The following VCAN variants were observed in gnomAD, a reference collection of about 807,000 sequenced individuals.
VCAN encodes versican.
VCAN carries 44 observed loss-of-function variants against 245.5 expected under a neutral mutation model. The observed-to-expected ratio is 0.18, with a 90% CI of 0.14 to 0.23. The LOEUF (loss-of-function observed/expected upper bound fraction) is 0.23, where lower values mean the gene tolerates loss of function less well. Ranked by LOEUF, VCAN falls within the 10% of genes least tolerant of loss-of-function variation. The probability of loss-of-function intolerance (pLI) is 1.00; values close to 1 mark genes in which losing one functional copy is unlikely to be tolerated. For synonymous variants in VCAN, 1,413 were observed against 1,437.0 expected (o/e 0.98, Z 0.38); for missense variants, 3,793 against 4,057.9 (o/e 0.93, Z 1.77).
chr5:83,489,890 A>G (rs912239070), intron 2 of VCAN, among the ~76,000 whole-genome samples: 1 of 151,894 alleles, frequency 6.6e-6, no homozygotes, highest in African/African-American at 2.4e-5. Context: ...CCACATTTCT[A>G]TATAAAGAAA....
chr5:83,552,628 G>C (rs904933943), intron 10 of VCAN, among the ~76,000 whole-genome samples: 2 of 151,736 alleles, frequency 1.3e-5, no homozygotes, highest in African/African-American at 2.4e-5. Flanking sequence ...GTTATAGTGT[G>C]CTTATTGTGA....
At chr5:83,491,567 C>T (rs1395818377) in intron 3 of VCAN, among the ~76,000 whole-genome samples, 1 of 149,408 alleles carries the variant, frequency 6.7e-6, no homozygotes, top group South Asian at 2.1e-4. Flanking sequence ...ACTGTGATTT[C>T]TCTCTCTCTC....
intron 1 of VCAN, among the ~76,000 whole-genome samples, chr5:83,472,572 C>T (rs1187248994): frequency 6.6e-6 from 1 of 152,162 alleles, no homozygotes; most frequent in African/African-American, 2.4e-5. Flanking sequence ...GACAGTGCGA[C>T]CCGGCGCCCA....
rs763199231 is a variant in VCAN at position 83,541,218 on chromosome 5, C to T, written c.8215C>T (p.Pro2739Ser). The T allele has an allele frequency of 6.2e-7, 1 of 1,613,900 alleles. No homozygotes were observed. Among genetic ancestry groups the T allele is most frequent in the South Asian group, 1.1e-5 (1 of 91,088 alleles). ...TATTGCAGACCAAAGTGAAATAATA[C>T]CAACATTGGGCCAATTTGAAAGGAC... Reference protein sequence around the residue: ...QAIADQSEIIPTLGQFERTQE... With the variant: ...QAIADQSEIISTLGQFERTQE... The change falls in exon 8 of 15, where the codon CCA becomes TCA. Residue 2739 changes from proline (P) to serine (S), a missense_variant. By Grantham distance (74) the Pro-to-Ser change is moderately conservative. Coordinates refer to ENST00000265077, the MANE Select transcript of VCAN (RefSeq NM_004385.5).
rs768748873 is a variant in VCAN at position 83,538,024 on chromosome 5, G to T, written c.5021G>T (p.Ser1674Ile). The T allele has an allele frequency of 1.9e-6, 3 of 1,614,040 alleles. No individual in the cohort carries two copies. The Admixed American group carries it at 5.0e-5, about 27-fold the overall frequency. ...TTDTLITLDT[S>I]RIITESFFEV... ...GATACACTCATTACTTTAGACACTAGCAGGATAATCACAGAAAGCTTTTTT... is the reference window on the plus strand; with the variant it reads ...GATACACTCATTACTTTAGACACTATCAGGATAATCACAGAAAGCTTTTTT... The change falls in exon 8 of 15, where the codon AGC becomes ATC. Residue 1674 changes from serine (S) to isoleucine (I), a missense_variant. Coordinates refer to ENST00000265077, the MANE Select transcript of VCAN (RefSeq NM_004385.5).
intron 5 of VCAN, among the ~76,000 whole-genome samples, chr5:83,495,588 TTAAA>T (rs2112361987): frequency 6.6e-6 from 1 of 152,304 alleles, no homozygotes; most frequent in African/African-American, 2.4e-5. Context: ...GAGAATCTGA[TTAAA>T]TAAACTAGGA....
At chr5:83,489,734 G>C (rs1392587836) in intron 2 of VCAN, among the ~76,000 whole-genome samples, 2 of 150,892 alleles carry the variant, frequency 1.3e-5, no homozygotes. Flanking sequence ...CCTAATGTTG[G>C]TCCAGTCCTT....
At position 83,580,324 on chromosome 5, in the gene VCAN, A is replaced by G. The variant is rs1748624016; in HGVS notation, c.10081A>G (p.Thr3361Ala). Residue 3361 changes from threonine to alanine, a missense_variant, in exon 15 of 15, where the codon ACT becomes GCT. Coordinates refer to ENST00000265077, the MANE Select transcript of VCAN (RefSeq NM_004385.5). ...CCATGTAGCATCTGCATACCAAAGG[A>G]CTTATTCTATGAAATACTTTAAAAA... The part of the protein sequence containing the change: ...TCMNPSAYQR[T>A]YSMKYFKNSS... 2 of 1,613,750 alleles carry G rather than the reference A, an allele frequency of 1.2e-6. No homozygotes were observed.
intron 8 of VCAN, chr5:83,545,177 A>G (rs892066618): frequency 4.2e-5 from 14 of 336,630 alleles, no homozygotes; most frequent in Non-Finnish European, 7.9e-5. Flanking sequence ...ATTTAAAAGA[A>G]TACATTTTCC....
chr5:83,524,538 A>G (rs79779233), intron 7 of VCAN, among the ~76,000 whole-genome samples: 335 of 11,750 alleles, frequency 0.029, no homozygotes, highest in African/African-American at 0.25. Context: ...CTACCTGCGT[A>G]CCTACCTACC....
intron 7 of VCAN, chr5:83,533,988 C>T (rs1404082737): frequency 6.6e-6 from 1 of 152,072 alleles, no homozygotes; most frequent in African/African-American, 2.4e-5. Flanking sequence ...TACTGATTTA[C>T]AATTAGAGTT....
Position 83,520,339 on chromosome 5 carries a change from C to G in VCAN, c.2033C>G (p.Thr678Arg). The G allele has an allele frequency of 6.2e-7, 1 of 1,613,054 alleles. No homozygotes were observed. Among genetic ancestry groups the G allele is most frequent in the Non-Finnish European group, 8.5e-7 (1 of 1,179,664 alleles). ...ISTVIYPSLQ[T>R]EMTHRRERTE... is the part of the protein sequence containing the mutation. ...ACAGTTATTTATCCTTCTCTACAAA[C>G]AGAAATGACACATAGAAGAGAAAGA... The change falls in exon 7 of 15, where the codon ACA (threonine) becomes AGA (arginine). Residue 678 changes from threonine (T) to arginine (R), a missense_variant. Thr to Arg is a moderately conservative substitution (Grantham distance 71, BLOSUM62 -1). Transcript: ENST00000265077.
At chr5:83,495,983 T>C (rs531913860) in intron 5 of VCAN, among the ~76,000 whole-genome samples, 9 of 152,342 alleles carry the variant, frequency 5.9e-5, no homozygotes, top group African/African-American at 2.2e-4. Flanking sequence ...GGCTCTAGAC[T>C]GCCCAAATTC....
Position 83,539,827 on chromosome 5 carries a change from A to C in VCAN, c.6824A>C (p.Glu2275Ala), listed in dbSNP as rs1473067259. ...TLPTESVNFT[E>A]VEQINNTLYP... Reference sequence around the variant, plus strand: ...CCAACAGAGTCAGTGAATTTTACTGAAGTGGAACAAATCAATAACACATTA... The same window carrying C: ...CCAACAGAGTCAGTGAATTTTACTGCAGTGGAACAAATCAATAACACATTA... The change falls in exon 8 of 15, where the codon GAA becomes GCA. Residue 2275 changes from glutamate (E) to alanine (A), a missense_variant. Physicochemically the swap from Glu to Ala is moderately radical, Grantham distance 107. Coordinates refer to ENST00000265077, the MANE Select transcript of VCAN (RefSeq NM_004385.5). 1 of 1,614,044 alleles carries C rather than the reference A, an allele frequency of 6.2e-7. No homozygotes were observed. The highest frequency in any genetic ancestry group is 8.5e-7 in the Non-Finnish European group (1 of 1,180,006).
At chr5:83,576,811 A>AT (rs1456219108) in intron 13 of VCAN, among the ~76,000 whole-genome samples, 4 of 152,112 alleles carry the variant, frequency 2.6e-5, no homozygotes, top group African/African-American at 9.7e-5. Context: ...ACATTTTTTG[A>AT]TACGTCTCTC....
Position 83,581,864 on chromosome 5 carries a change from A to G in VCAN, c.*1430A>G, listed in dbSNP as rs932169734. Reference sequence around the variant, plus strand: ...AAAGAAAAACCTGTAATGGAAAGTAAGACTCCTTCCCTAATTTCAGTTTAG... The same window carrying G: ...AAAGAAAAACCTGTAATGGAAAGTAGGACTCCTTCCCTAATTTCAGTTTAG... On this transcript the variant is annotated 3_prime_UTR_variant, in exon 15 of 15. Transcript: ENST00000265077. 7 of 152,300 alleles carry G rather than the reference A, an allele frequency of 4.6e-5. No individual in the cohort carries two copies. The Middle Eastern group carries it at 0.01, about 222-fold the overall frequency. 9.4% of individuals were successfully genotyped at this position (152,300 alleles called of 1,614,324 possible).
Position 83,519,335 on chromosome 5 carries a change from AATT to A in VCAN, c.1043-10_1043-8del. ...GTGACTTGTCTAATCAACTCTTTGA[AATT>A]ATTTTTCTAGCTAAAGAGGCTACAA... On this transcript the variant is annotated splice_polypyrimidine_tract_variant and intron_variant, in intron 6 of 14. Coordinates refer to ENST00000265077, the MANE Select transcript of VCAN (RefSeq NM_004385.5). 6.2e-7 allele frequency: 1 copy of A among 1,613,432 alleles called. No individual in the cohort carries two copies. Among genetic ancestry groups the A allele is most frequent in the South Asian group, 1.1e-5 (1 of 91,002 alleles).
intron 12 of VCAN, among the ~76,000 whole-genome samples, chr5:83,566,240 C>T (rs1420392583): frequency 3.3e-5 from 5 of 152,046 alleles, no homozygotes; most frequent in Non-Finnish European, 7.4e-5. Flanking sequence ...GGATTGTAGT[C>T]GTGAGCCACC....
At position 83,493,901 on chromosome 5, in the gene VCAN, G is replaced by A. The variant is rs1241700817; in HGVS notation, c.718G>A (p.Asp240Asn). The change falls in exon 5 of 15, where the codon GAT becomes AAT. Residue 240 changes from aspartate (D) to asparagine (N), a missense_variant. Asp to Asn is a conservative substitution (Grantham distance 23). This residue lies in a region of VCAN where 190 missense variants were observed against 288.6 expected (regional missense o/e 0.66). Coordinates refer to ENST00000265077, the MANE Select transcript of VCAN (RefSeq NM_004385.5). ...YGFRSPQETYDVYCYVDHLDG... is the reference protein window; with the variant it reads ...YGFRSPQETYNVYCYVDHLDG... ...ATTCCGTTCTCCCCAGGAAACTTAC[G>A]ATGTGTATTGTTATGTGGATCATCT... 2 of 1,614,088 alleles carry A rather than the reference G, an allele frequency of 1.2e-6. No individual in the cohort carries two copies. Among genetic ancestry groups the A allele is most frequent in the Non-Finnish European group, 1.7e-6 (2 of 1,179,996 alleles).
Sources: allele counts gnomAD v4.1 joint callset (sites outside exome capture counted in the v4.1 genomes callset), GRCh38; gene constraint gnomAD v4.1.1; regional missense constraint gnomAD v4.1.1; transcripts MANE v1.5; gene names NCBI Gene and HGNC (gene_info 2026-07-23, HGNC 2026-07-21).